BTBD2: variants seen among roughly 807,000 people sequenced by gnomAD.
BTBD2 encodes BTB/POZ domain-containing protein 2.
Under a neutral mutation model 44.0 loss-of-function variants are expected in BTBD2, and 15 were observed. The observed-to-expected ratio is 0.34, with a 90% CI of 0.23 to 0.53. The LOEUF is 0.53. BTBD2 is among the 20% of genes least tolerant of loss of function. BTBD2 has a pLI of 0.95. For missense variants in BTBD2, 657 were observed against 746.4 expected, an observed-to-expected ratio of 0.88 and a Z score of 1.39; for synonymous variants, 443 against 335.9, an observed-to-expected ratio of 1.32 and a Z score of -3.49.
At chr19:2,013,786 TG>T in intron 1 of BTBD2, 2 of 528,866 alleles carry the variant, frequency 3.8e-6, no homozygotes, top group Non-Finnish European at 4.8e-6. Context: ...GGGTCTCCGG[TG>T]GGGGTCACTG....
chr19:2,000,255 A>G (rs2145637600), intron 1 of BTBD2, among the ~76,000 whole-genome samples: 1 of 151,782 alleles, frequency 6.6e-6, no homozygotes, highest in South Asian at 2.1e-4. Flanking sequence ...CCGCGTCCTC[A>G]AGGGCCCAGG....
rs755788897 is a variant in BTBD2 at position 1,990,032 on chromosome 19, C to T, written c.960G>A (p.Pro320=). 71 of 1,613,204 alleles carry T rather than the reference C, an allele frequency of 4.4e-5. No individual in the cohort carries two copies. The highest frequency in any genetic ancestry group is 1.5e-4 in the South Asian group (14 of 91,092). ...LGKALGLIRF[P]LMTIEEFAAG... is the part of the protein sequence containing the mutation. ...CAGCGAACTCCTCGATGGTCATGAG[C>T]GGGAAGCGAATGAGGCCCAGGGCCT... is the stretch of plus-strand genomic sequence containing the variant. Residue 320 remains proline (P), a synonymous_variant, in exon 5 of 9, where the codon CCG becomes CCA. Transcript: ENST00000255608.
At chr19:1,999,832 G>GCAC (rs2016304036) in intron 1 of BTBD2, among the ~76,000 whole-genome samples, 1 of 150,372 alleles carries the variant, frequency 6.7e-6, no homozygotes, top group Admixed American at 6.6e-5. Context: ...CGTGGTGGTG[G>GCAC]GTGCCTGTAA....
chr19:2,011,160 G>T (rs369323057), intron 1 of BTBD2, among the ~76,000 whole-genome samples: 9 of 151,996 alleles, frequency 5.9e-5, no homozygotes, highest in East Asian at 1.9e-4. Flanking sequence ...AGCCTGTCCT[G>T]GCTTGTGATG....
intron 1 of BTBD2, among the ~76,000 whole-genome samples, chr19:2,001,179 G>A (rs1430992011): frequency 6.6e-6 from 1 of 152,012 alleles, no homozygotes; most frequent in Admixed American, 6.6e-5. Context: ...AGCTACTCAG[G>A]AGGCTGAGGC....
chr19:1,987,877 G>C, intron 5 of BTBD2, 185 bp from the exon 6 acceptor site: 1 of 615,884 alleles, frequency 1.6e-6, no homozygotes, highest in Non-Finnish European at 2.8e-6. Flanking sequence ...TTTAGGGAGA[G>C]GTCCCAGGGC....
chr19:1,989,096 TAAG>T (rs2016135547), intron 5 of BTBD2, among the ~76,000 whole-genome samples: 1 of 152,134 alleles, frequency 6.6e-6, no homozygotes, highest in South Asian at 2.1e-4. Context: ...GTTGTATTTT[TAAG>T]AAGTATGTAT....
At chr19:2,007,290 C>G (rs2016407422) in intron 1 of BTBD2, among the ~76,000 whole-genome samples, 1 of 152,208 alleles carries the variant, frequency 6.6e-6, no homozygotes, top group Admixed American at 6.6e-5. Context: ...TGCACCTGGC[C>G]AATAAAGTTT....
chr19:2,006,931 C>G (rs541328034), intron 1 of BTBD2, among the ~76,000 whole-genome samples: 1 of 152,120 alleles, frequency 6.6e-6, no homozygotes, highest in South Asian at 2.1e-4. Context: ...GATCTCGGCT[C>G]GCTGCAACCT....
intron 1 of BTBD2, among the ~76,000 whole-genome samples, chr19:2,011,960 T>C (rs1165955748): frequency 1.3e-5 from 2 of 151,966 alleles, no homozygotes; most frequent in East Asian, 3.8e-4. Context: ...GTTCAAGTGA[T>C]TCTCCTGCCT....
At chr19:1,998,221 T>C (rs774465872) in intron 1 of BTBD2, among the ~76,000 whole-genome samples, 5 of 152,184 alleles carry the variant, frequency 3.3e-5, no homozygotes, top group Admixed American at 1.3e-4. Flanking sequence ...AGCACAAGCT[T>C]TCCCAGGGAG....
At chr19:2,013,784 G>T in intron 1 of BTBD2, 1 of 611,338 alleles carries the variant, frequency 1.6e-6, no homozygotes, top group Non-Finnish European at 2.0e-6. Context: ...GGGGGTCTCC[G>T]GTGGGGGTCA....
In BTBD2 at chr19:1,986,227, C is replaced by T. The variant is rs2016078362; in HGVS notation, c.*261G>A. ...GGCCCTGGCCCAGGCCGGCACAGCC[C>T]TGTCCCTAGTCCTGAGGGATTGTCT... On this transcript the variant is annotated 3_prime_UTR_variant, in exon 9 of 9. Coordinates refer to ENST00000255608, the MANE Select transcript of BTBD2 (RefSeq NM_017797.4). 1.9e-6 allele frequency: 1 copy of T among 516,894 alleles called. No individual in the cohort carries two copies. The highest frequency in any genetic ancestry group is 2.4e-5 in the South Asian group (1 of 41,282). The allele number at this position is 516,894 out of a possible 1,614,324, so 32.0% of individuals were successfully genotyped here. A position where few individuals can be genotyped will look rare whatever the true frequency, so the allele number is the denominator to read the frequency against.
chr19:1,986,327 G>C lies in BTBD2; in HGVS notation c.*161C>G. 1 of 931,760 alleles carries C rather than the reference G, an allele frequency of 1.1e-6. No homozygotes were observed. The highest frequency in any genetic ancestry group is 1.6e-6 in the Non-Finnish European group (1 of 620,466). 57.7% of individuals were successfully genotyped at this position (931,760 alleles called of 1,614,324 possible). A position where few individuals can be genotyped will look rare whatever the true frequency, so the allele number is the denominator to read the frequency against. On this transcript the variant is annotated 3_prime_UTR_variant, in exon 9 of 9. Transcript: ENST00000255608. ...AGCAGCCACACTCGTGGTGAACACAGGGCAACCCCGTCCTGATGCTGAGAA... is the reference window on the plus strand; with the variant it reads ...AGCAGCCACACTCGTGGTGAACACACGGCAACCCCGTCCTGATGCTGAGAA...
intron 1 of BTBD2, among the ~76,000 whole-genome samples, chr19:2,015,050 AG>A (rs2016515292): frequency 7.0e-6 from 1 of 143,608 alleles, no homozygotes; most frequent in Non-Finnish European, 1.5e-5. Flanking sequence ...TCAGGACCGG[AG>A]GGGTGCAGGG....
At chr19:2,001,008 GCA>G (rs2016322940) in intron 1 of BTBD2, among the ~76,000 whole-genome samples, 3 of 152,360 alleles carry the variant, frequency 2.0e-5, no homozygotes, top group African/African-American at 7.2e-5. Flanking sequence ...TGGGGGACGG[GCA>G]CAGTGGCTCA....
In BTBD2 at chr19:1,993,103, C is replaced by A. The variant is rs1174155725; in HGVS notation, c.601G>T (p.Ala201Ser). ...CAATGGGCCTCGAGCGCTGGCACCG[C>A]GTACTTCTTGGCGGTGTATAGCGTG... ...MTTLYTAKKY[A>S]VPALEAHCVE... Residue 201 changes from alanine to serine, a missense_variant, in exon 3 of 9, where the codon GCG (alanine) becomes TCG (serine). Transcript: ENST00000255608. 1.2e-6 allele frequency: 2 copies of A among 1,609,100 alleles called. No homozygotes were observed. Among genetic ancestry groups the A allele is most frequent in the Non-Finnish European group, 1.7e-6 (2 of 1,179,800 alleles).
intron 1 of BTBD2, among the ~76,000 whole-genome samples, chr19:1,999,438 G>A (rs1022634360): frequency 6.6e-6 from 1 of 152,228 alleles, no homozygotes; most frequent in Non-Finnish European, 1.5e-5. Context: ...GACCAAGGCG[G>A]GAGGATCGCT....
At chr19:1,993,770 C>T (rs1398675585) in intron 2 of BTBD2, among the ~76,000 whole-genome samples, 1 of 151,108 alleles carries the variant, frequency 6.6e-6, no homozygotes, top group Admixed American at 6.6e-5. Context: ...CTGAGGCGGG[C>T]AGATCGCCTG....
Sources: gnomAD v4.1 joint callset for allele counts (sites outside exome capture counted in the v4.1 genomes callset) on GRCh38, gnomAD v4.1.1 for gene constraint, MANE v1.5 for transcripts, NCBI Gene and HGNC (gene_info 2026-07-23, HGNC 2026-07-21) for gene names.